The following MIPEP variants were observed in gnomAD, a reference collection of about 807,000 sequenced individuals.
MIPEP encodes the protein mitochondrial intermediate peptidase.
A neutral mutation model predicts 90.3 loss-of-function variants in MIPEP; 79 were observed. That is an observed-to-expected ratio of 0.87 (90% CI 0.73 to 1.05). MIPEP has a LOEUF of 1.05. Among genes scored for constraint, MIPEP ranks in the 50% least tolerant of loss-of-function variants. MIPEP has a pLI of 0.00. For synonymous variants in MIPEP, 334 were observed against 315.8 expected (o/e 1.06, Z -0.61); for missense variants, 940 against 905.6 (o/e 1.04, Z -0.49).
At chr13:23,866,422 T>C (rs1465722476) in intron 7 of MIPEP, among the ~76,000 whole-genome samples, 1 of 152,088 alleles carries the variant, frequency 6.6e-6, no homozygotes, top group Non-Finnish European at 1.5e-5. Context: ...TGCACAAGGG[T>C]GACCTGCCAG....
intron 16 of MIPEP, among the ~76,000 whole-genome samples, chr13:23,771,329 T>C (rs1952648075): frequency 6.6e-6 from 1 of 151,900 alleles, no homozygotes; most frequent in Admixed American, 6.5e-5. Context: ...CCTCTTTGTA[T>C]CAGTGACTAG....
At chr13:23,841,259 C>G (rs1476826388) in intron 11 of MIPEP, 76 bp downstream of exon 11, 14 of 1,376,268 alleles carry the variant, frequency 1.0e-5, no homozygotes, top group Admixed American at 2.4e-5. Context: ...TGATGTAAAC[C>G]TGAAACTGCT....
chr13:23,817,915 T>G (rs1409119117), intron 14 of MIPEP, among the ~76,000 whole-genome samples: 1 of 151,456 alleles, frequency 6.6e-6, no homozygotes, highest in Non-Finnish European at 1.5e-5. Flanking sequence ...ATATATTTAA[T>G]ACACAATTAG....
At chr13:23,756,824 C>G (rs867678128) in intron 17 of MIPEP, 4 of 568,828 alleles carry the variant, frequency 7.0e-6, no homozygotes, top group Non-Finnish European at 1.2e-5. Context: ...TGACATATTC[C>G]CTGTAAGAGG....
chr13:23,803,299 G>T (rs1006810950), intron 16 of MIPEP, among the ~76,000 whole-genome samples: 4 of 152,024 alleles, frequency 2.6e-5, no homozygotes, highest in African/African-American at 9.7e-5. Flanking sequence ...GGAGGCAGAG[G>T]TTGCAGTGAG....
intron 18 of MIPEP, among the ~76,000 whole-genome samples, chr13:23,741,503 G>T (rs1952328265): frequency 6.6e-6 from 1 of 151,978 alleles, no homozygotes; most frequent in African/African-American, 2.4e-5. Flanking sequence ...AAAAAAATGA[G>T]ATCACATCTT....
At position 23,839,670 on chromosome 13, in the gene MIPEP, C is replaced by T. The variant is rs769914052; in HGVS notation, c.1317G>A (p.Gln439=). 1.2e-6 allele frequency: 2 copies of T among 1,612,672 alleles called. No individual in the cohort carries two copies. Among genetic ancestry groups the T allele is most frequent in the South Asian group, 1.1e-5 (1 of 90,758 alleles). Residue 439 remains glutamine (Q), a synonymous_variant, in exon 12 of 19, where the codon CAG becomes CAA. Coordinates refer to ENST00000382172, the MANE Select transcript of MIPEP (RefSeq NM_005932.4). Reference sequence around the variant, plus strand: ...TCACCTGATGTGGTTTGTCTGCTCGCTGAAAAAAATCACAGTAAATGTACC... The same window carrying T: ...TCACCTGATGTGGTTTGTCTGCTCGTTGAAAAAAATCACAGTAAATGTACC... ...LLGYIYCDFF[Q]RADKPHQDCH... is the part of the protein sequence containing the mutation.
intron 17 of MIPEP, among the ~76,000 whole-genome samples, chr13:23,759,178 GACA>G (rs1952514826): frequency 6.6e-6 from 1 of 152,130 alleles, no homozygotes; most frequent in East Asian, 1.9e-4. Flanking sequence ...ACCCAAACTT[GACA>G]ACGTCTTGGT....
intron 16 of MIPEP, among the ~76,000 whole-genome samples, chr13:23,773,455 C>A (rs1430506788): frequency 1.3e-5 from 2 of 152,090 alleles, no homozygotes; most frequent in Admixed American, 1.3e-4. Context: ...GTTTTCAGTT[C>A]TATTGGGTGA....
At chr13:23,879,192 G>A (rs1871184406) in intron 4 of MIPEP, 76 bp downstream of exon 4, 1 of 820,090 alleles carries the variant, frequency 1.2e-6, no homozygotes, top group African/African-American at 1.7e-5. Flanking sequence ...TGCAAGTACA[G>A]AGGCCCTGAG....
In MIPEP at chr13:23,774,642, G is replaced by A. The variant is rs148609526; in HGVS notation, c.1849-14425C>T. Among the ~76,000 whole-genome samples the A allele has an allele frequency of 2.9e-3, 444 of 152,076 alleles. 2 individuals carry two copies. The highest frequency in any genetic ancestry group is 0.01 in the African/African-American group (433 of 41,484). On this transcript the variant is annotated intron_variant, in intron 16 of 18. Transcript: ENST00000382172. ...TTTCTTTTGCTAAATTTATTCCTAAGTATTTTACTCTTCCAGATGCTATTG... is the reference window on the plus strand; with the variant it reads ...TTTCTTTTGCTAAATTTATTCCTAAATATTTTACTCTTCCAGATGCTATTG...
intron 16 of MIPEP, among the ~76,000 whole-genome samples, chr13:23,770,275 G>C (rs1487049789): frequency 6.6e-6 from 1 of 152,120 alleles, no homozygotes; most frequent in Non-Finnish European, 1.5e-5. Flanking sequence ...TGCTGGTCCA[G>C]TAGCCTCCAG....
intron 14 of MIPEP, among the ~76,000 whole-genome samples, chr13:23,823,644 C>T (rs909130326): frequency 1.3e-5 from 2 of 152,192 alleles, no homozygotes; most frequent in African/African-American, 4.8e-5. Context: ...GGCTGGGCAA[C>T]AGAACGAGAC....
At chr13:23,859,881 G>C (rs1200740224) in intron 9 of MIPEP, among the ~76,000 whole-genome samples, 1 of 152,150 alleles carries the variant, frequency 6.6e-6, no homozygotes, top group African/African-American at 2.4e-5. Context: ...CATATTCCAT[G>C]GTAATACTTA....
chr13:23,870,321 AGTTTAGTAAAATG>A, intron 5 of MIPEP, 126 bp from the exon 6 acceptor site: 3 of 460,226 alleles, frequency 6.5e-6, no homozygotes, highest in Non-Finnish European at 1.1e-5. Context: ...ATAAAATATT[AGTTTAGTAAAATG>A]AATATATTGT....
chr13:23,872,183 C>T (rs563961276), intron 5 of MIPEP, among the ~76,000 whole-genome samples: 3 of 152,228 alleles, frequency 2.0e-5, no homozygotes, highest in South Asian at 2.1e-4. Context: ...AAATTAAGGC[C>T]GGGTGCAGTG....
At chr13:23,773,474 T>A (rs1952676389) in intron 16 of MIPEP, among the ~76,000 whole-genome samples, 2 of 152,196 alleles carry the variant, frequency 1.3e-5, no homozygotes, top group Non-Finnish European at 2.9e-5. Flanking sequence ...GAGAGTTCCC[T>A]ACCACCTGGG....
chr13:23,772,107 T>C (rs185781672), intron 16 of MIPEP, among the ~76,000 whole-genome samples: 6 of 152,358 alleles, frequency 3.9e-5, no homozygotes, highest in African/African-American at 1.4e-4. Context: ...TTCTAAAGGA[T>C]AGCCCAGGGC....
rs952298682 is a variant in MIPEP, at chr13:23,755,388, A to C, written c.2044+1157T>G. Among the ~76,000 whole-genome samples the C allele has an allele frequency of 1.3e-5, 2 of 152,264 alleles. 1 individual carries two copies. The highest frequency in any genetic ancestry group is 4.8e-5 in the African/African-American group (2 of 41,468). ...CTGAATAAATGAATGGCTGAAGGCA[A>C]GAATCTGGAATTCTGCTAAAAAGGA... On this transcript the variant is annotated intron_variant, in intron 18 of 18. Transcript: ENST00000382172.
Sources: gnomAD v4.1 joint callset for allele counts (sites outside exome capture counted in the v4.1 genomes callset) on GRCh38, gnomAD v4.1.1 for gene constraint, MANE v1.5 for transcripts, NCBI Gene and HGNC (gene_info 2026-07-23, HGNC 2026-07-21) for gene names.